Variants in RABGEF1 observed in about 807,000 individuals in gnomAD.
RABGEF1 encodes rab5 GDP/GTP exchange factor.
A neutral mutation model predicts 57.3 loss-of-function variants in RABGEF1; 26 were observed. The observed-to-expected ratio is 0.45, with a 90% CI of 0.33 to 0.63. The LOEUF (loss-of-function observed/expected upper bound fraction) is 0.63. RABGEF1 is among the 20% of genes least tolerant of loss of function. RABGEF1 has a pLI of 0.02. For synonymous variants in RABGEF1, 185 were observed against 210.7 expected (o/e 0.88, Z 1.06); for missense variants, 464 against 607.6 (o/e 0.76, Z 2.48).
intron 3 of RABGEF1, among the ~76,000 whole-genome samples, chr7:66,780,813 T>C (rs929484267): frequency 1.3e-5 from 2 of 152,226 alleles, no homozygotes; most frequent in African/African-American, 4.8e-5. Context: ...CTTGGTAATA[T>C]GGTCCATGTT....
intron 1 of RABGEF1, among the ~76,000 whole-genome samples, chr7:66,744,904 T>C (rs375666990): frequency 1.3e-4 from 19 of 151,650 alleles, no homozygotes; most frequent in African/African-American, 4.6e-4. Flanking sequence ...GTGAAAAAAA[T>C]GTTATCAGCC....
At chr7:66,670,803 G>A in the RABGEF1 span, among the ~76,000 whole-genome samples, 28 of 151,974 alleles carry the variant, frequency 1.8e-4, no homozygotes, top group East Asian at 2.1e-3. Flanking sequence ...CCGAGATGGC[G>A]CCACTACACT....
intron 2 of RABGEF1, among the ~76,000 whole-genome samples, chr7:66,727,728 C>T (rs1180117662): frequency 6.6e-6 from 1 of 152,172 alleles, no homozygotes; most frequent in African/African-American, 2.4e-5. Context: ...GAAGTGGGCA[C>T]ACCTGGGGAA....
intron 1 of RABGEF1, among the ~76,000 whole-genome samples, chr7:66,700,487 C>CGGAGGGGGAGGAGGGTAGTTGGGGG (rs35510019): frequency 2.2e-5 from 3 of 137,200 alleles, no homozygotes; most frequent in African/African-American, 8.0e-5. Context: ...AAGCGGGCCC[C>CGGAGGGGGAGGAGGGTAGTTGGGGG]GGAGGGGGAG....
chr7:66,786,207 T>A (rs1033974635), intron 4 of RABGEF1, among the ~76,000 whole-genome samples: 5 of 152,244 alleles, frequency 3.3e-5, no homozygotes, highest in African/African-American at 9.6e-5. Context: ...GGGTCAAGTC[T>A]AGAAAATTAA....
intron 4 of RABGEF1, among the ~76,000 whole-genome samples, chr7:66,795,013 G>A (rs1216446089): frequency 2.0e-5 from 3 of 152,180 alleles, no homozygotes; most frequent in African/African-American, 7.2e-5. Flanking sequence ...AGACCGCTAG[G>A]TGGGAAGGGG....
At chr7:66,671,602 A>T in the RABGEF1 span, among the ~76,000 whole-genome samples, 4 of 152,134 alleles carry the variant, frequency 2.6e-5, no homozygotes, top group African/African-American at 9.7e-5. Context: ...AGTCTTTTTT[A>T]AAAAACCTCT....
At chr7:66,773,201 G>C (rs1239302346) in intron 2 of RABGEF1, among the ~76,000 whole-genome samples, 3 of 151,662 alleles carry the variant, frequency 2.0e-5, no homozygotes, top group Non-Finnish European at 4.4e-5. Flanking sequence ...TTCAATCAAA[G>C]AGAGAAAATT....
chr7:66,729,334 CCT>C (rs919959789), intron 2 of RABGEF1, among the ~76,000 whole-genome samples: 12 of 152,210 alleles, frequency 7.9e-5, no homozygotes, highest in East Asian at 3.9e-4. Context: ...TCCATCCTCC[CCT>C]CTGTTCTCCC....
At chr7:66,706,510 A>G (rs1343781922) in intron 1 of RABGEF1, among the ~76,000 whole-genome samples, 1 of 147,602 alleles carries the variant, frequency 6.8e-6, no homozygotes, top group Non-Finnish European at 1.5e-5. Context: ...CCCGGGTTCA[A>G]GCGATTCTCC....
intron 2 of RABGEF1, among the ~76,000 whole-genome samples, chr7:66,720,989 C>T (rs1379684729): frequency 6.6e-6 from 1 of 152,170 alleles, no homozygotes; most frequent in African/African-American, 2.4e-5. Flanking sequence ...ACAATCTTAG[C>T]TCACTGCAAC....
At chr7:66,773,905 A>G (rs527809016) in intron 2 of RABGEF1, 14 of 414,778 alleles carry the variant, frequency 3.4e-5, no homozygotes, top group Non-Finnish European at 6.3e-5. Context: ...AGCTCAAGTG[A>G]TCCGGCCGCC....
intron 1 of RABGEF1, among the ~76,000 whole-genome samples, chr7:66,686,053 C>T (rs1166516740): frequency 1.3e-5 from 2 of 152,012 alleles, no homozygotes; most frequent in East Asian, 3.9e-4. Flanking sequence ...CTGAGGTGGG[C>T]AGATCACTTA....
At chr7:66,797,328 G>GA (rs756583259) in intron 5 of RABGEF1, 46 bp from the exon 6 acceptor site, 8 of 1,379,276 alleles carry the variant, frequency 5.8e-6, no homozygotes, top group Non-Finnish European at 7.8e-6. Flanking sequence ...AAAAGAGAGA[G>GA]AAAAAATATA....
intron 6 of RABGEF1, 92 bp downstream of exon 6, chr7:66,797,598 A>G: frequency 7.3e-7 from 1 of 1,373,376 alleles, no homozygotes; most frequent in Non-Finnish European, 1.0e-6. Flanking sequence ...TTCAAACCTT[A>G]AGGGAAAGCA....
At chr7:66,672,340 G>A in the RABGEF1 span, among the ~76,000 whole-genome samples, 15,648 of 152,066 alleles carry the variant, frequency 0.1, 980 homozygotes, top group South Asian at 0.2. Flanking sequence ...GCTGAGGCAG[G>A]AGAATGGTGT....
chr7:66,665,952 G>A, the RABGEF1 span, among the ~76,000 whole-genome samples: 5,709 of 152,354 alleles, frequency 0.037, 167 homozygotes, highest in East Asian at 0.088. Context: ...GGTCAAGGAA[G>A]GCTTCTTGGA....
At chr7:66,724,081 A>T (rs1194430661) in intron 2 of RABGEF1, among the ~76,000 whole-genome samples, 2 of 149,482 alleles carry the variant, frequency 1.3e-5, no homozygotes, top group Non-Finnish European at 3.0e-5. Context: ...TTCTTAAGAA[A>T]TTTTTTTTTT....
At chr7:66,728,282 A>G (rs1584972712) in intron 2 of RABGEF1, among the ~76,000 whole-genome samples, 1 of 152,124 alleles carries the variant, frequency 6.6e-6, no homozygotes, top group Non-Finnish European at 1.5e-5. Flanking sequence ...TGGGGGGGCC[A>G]CTGGGTCCCC....
Sources: gnomAD v4.1 joint callset for allele counts (sites outside exome capture counted in the v4.1 genomes callset) on GRCh38, gnomAD v4.1.1 for gene constraint, MANE v1.5 for transcripts, NCBI Gene and HGNC (gene_info 2026-07-23, HGNC 2026-07-21) for gene names.